Variants in DYTN observed in about 807,000 individuals in gnomAD.
DYTN encodes dystrotelin.
A neutral mutation model predicts 69.6 loss-of-function variants in DYTN; 75 were observed. The ratio of observed to expected loss-of-function variants is 1.08; its 90% CI spans 0.89 to 1.31. DYTN has a LOEUF of 1.31. Among genes scored for constraint, DYTN ranks in the 50% most tolerant of loss-of-function variants. The pLI is 0.00. For missense variants in DYTN, 726 were observed against 688.4 expected (o/e 1.05, Z -0.61); for synonymous variants, 252 against 249.1 (o/e 1.01, Z -0.11).
intron 11 of DYTN, among the ~76,000 whole-genome samples, chr2:206,662,495 C>T (rs1308504084): frequency 6.6e-6 from 1 of 151,868 alleles, no homozygotes; most frequent in Non-Finnish European, 1.5e-5. Context: ...GATAATACTA[C>T]TTATAACATA....
intron 11 of DYTN, among the ~76,000 whole-genome samples, chr2:206,654,398 T>C (rs1224324382): frequency 6.6e-6 from 1 of 152,234 alleles, no homozygotes; most frequent in South Asian, 2.1e-4. Flanking sequence ...AGTTAATGAA[T>C]AGTAAATATA....
chr2:206,679,120 T>C (rs1194733854), intron 9 of DYTN: 1 of 152,210 alleles, frequency 6.6e-6, no homozygotes, highest in Non-Finnish European at 1.5e-5. Context: ...ATTGGTCCAG[T>C]TGGCCTTACA....
chr2:206,717,070 A>ACACACACACG lies in DYTN; in HGVS notation c.19+1190_19+1191insCGTGTGTGTG, dbSNP rs1553578489. On this transcript the variant is annotated intron_variant, in intron 1 of 11. Transcript: ENST00000452335. ...CACACACACACACACACACACACAC[A>ACACACACACG]CACACACAAAACAAACTCAAGAAAG... Among the ~76,000 whole-genome samples the ACACACACACG allele has an allele frequency of 7.0e-4, 107 of 151,910 alleles. 1 individual carries two copies. Among genetic ancestry groups the ACACACACACG allele is most frequent in the African/African-American group, 2.5e-3 (103 of 41,424 alleles).
At position 206,704,903 on chromosome 2, in the gene DYTN, A is replaced by C; in HGVS notation, c.423T>G (p.Tyr141Ter). The C allele has an allele frequency of 6.2e-7, 1 of 1,613,896 alleles. No homozygotes were observed. Among genetic ancestry groups the C allele is most frequent in the South Asian group, 1.1e-5 (1 of 91,052 alleles). ...QLYAENSRGG[Y>*]DSGPRMTRRV... is the part of the protein sequence containing the mutation. Reference sequence around the variant, plus strand: ...TTCGAGTCATGCGTGGCCCAGAATCATAGCCTCCCCTGCTATTTTCTGCAT... The same window carrying C: ...TTCGAGTCATGCGTGGCCCAGAATCCTAGCCTCCCCTGCTATTTTCTGCAT... The change falls in exon 5 of 12, where the codon TAT becomes TAG. Residue 141 changes from tyrosine to a stop codon, truncating the protein, a stop_gained. Coordinates refer to ENST00000452335, the MANE Select transcript of DYTN (RefSeq NM_001093730.1). LOFTEE classifies it high-confidence loss of function.
chr2:206,692,058 T>C (rs1699868903), intron 9 of DYTN, among the ~76,000 whole-genome samples: 1 of 152,084 alleles, frequency 6.6e-6, no homozygotes, highest in Non-Finnish European at 1.5e-5. Context: ...GAAAGTCACT[T>C]GAGGCCAGGA....
intron 9 of DYTN, among the ~76,000 whole-genome samples, chr2:206,679,796 A>G (rs575111456): frequency 1.3e-5 from 2 of 152,322 alleles, no homozygotes; most frequent in Admixed American, 1.3e-4. Flanking sequence ...ACTTAATTAT[A>G]CCAGGGGTGT....
intron 1 of DYTN, among the ~76,000 whole-genome samples, chr2:206,714,446 C>T (rs548678623): frequency 1.3e-5 from 2 of 152,342 alleles, no homozygotes; most frequent in Non-Finnish European, 2.9e-5. Context: ...TCATGGTCTG[C>T]CCGCCTCGGC....
At chr2:206,661,827 C>T (rs917423859) in intron 11 of DYTN, among the ~76,000 whole-genome samples, 1 of 152,156 alleles carries the variant, frequency 6.6e-6, no homozygotes, top group African/African-American at 2.4e-5. Context: ...GCCAGCACCC[C>T]TAATCCCTGC....
Sources: gnomAD v4.1 joint callset for allele counts (sites outside exome capture counted in the v4.1 genomes callset) on GRCh38, gnomAD v4.1.1 for gene constraint, MANE v1.5 for transcripts, NCBI Gene and HGNC (gene_info 2026-07-23, HGNC 2026-07-21) for gene names.